The following LARGE1 variants were observed in gnomAD, a reference collection of about 807,000 sequenced individuals.
The protein encoded by LARGE1 is LARGE xylosyl- and glucuronyltransferase 1.
In LARGE1, 43 loss-of-function variants were observed where a neutral mutation model predicts 87.6. The ratio of observed to expected loss-of-function variants is 0.49; its 90% CI spans 0.38 to 0.63. The LOEUF (loss-of-function observed/expected upper bound fraction) is 0.63, where lower values mean the gene tolerates loss of function less well. LARGE1 is among the 30% of genes least tolerant of loss of function. The pLI, the probability that LARGE1 is intolerant of heterozygous loss-of-function variation, is 0.00. For synonymous variants in LARGE1, 434 were observed against 394.6 expected (o/e 1.10, Z -1.18); for missense variants, 802 against 1,000.2 (o/e 0.80, Z 2.67).
intron 1 of LARGE1, among the ~76,000 whole-genome samples, chr22:33,844,343 T>C (rs2063368228): frequency 6.6e-6 from 1 of 152,180 alleles, no homozygotes; most frequent in African/African-American, 2.4e-5. Context: ...AATGTATTCC[T>C]CCTGCTATAA....
chr22:33,244,120 C>G (rs1022805633), intron 11 of LARGE1, among the ~76,000 whole-genome samples: 2 of 151,956 alleles, frequency 1.3e-5, no homozygotes, highest in Non-Finnish European at 2.9e-5. Context: ...TCCCAAATAG[C>G]TGGGATTACA....
the LARGE1 span, among the ~76,000 whole-genome samples, chr22:33,131,393 G>T: frequency 1.3e-5 from 2 of 151,772 alleles, no homozygotes; most frequent in African/African-American, 2.4e-5. Context: ...CCTATTCCCA[G>T]ATGTTCTCTC....
the LARGE1 span, among the ~76,000 whole-genome samples, chr22:33,123,116 G>A: frequency 6.6e-6 from 1 of 152,152 alleles, no homozygotes. Flanking sequence ...GCTAGGAAGG[G>A]GTAATCCAGG....
At chr22:33,735,131 G>A (rs1027056454) in intron 2 of LARGE1, among the ~76,000 whole-genome samples, 3 of 152,210 alleles carry the variant, frequency 2.0e-5, no homozygotes, top group African/African-American at 7.2e-5. Flanking sequence ...CCTTCTTCCA[G>A]GAAGGACAAA....
chr22:33,207,504 T>C (rs1924742849), intron 11 of LARGE1, among the ~76,000 whole-genome samples: 1 of 152,150 alleles, frequency 6.6e-6, no homozygotes, highest in Non-Finnish European at 1.5e-5. Context: ...CTTATTGCTA[T>C]GGTACTCCTC....
chr22:33,732,918 C>T (rs183575812), intron 2 of LARGE1: 1 of 152,336 alleles, frequency 6.6e-6, no homozygotes, highest in Admixed American at 6.5e-5. Flanking sequence ...ACCACCCACC[C>T]CCTCACCTGT....
At chr22:33,393,731 G>C (rs1022489476) in intron 7 of LARGE1, among the ~76,000 whole-genome samples, 2 of 152,210 alleles carry the variant, frequency 1.3e-5, no homozygotes, top group African/African-American at 4.8e-5. Flanking sequence ...CCTTGCCCCT[G>C]AGTGCTCTGC....
chr22:33,162,904 C>T (rs1168077717), exon 12 of LARGE1: 1 of 152,170 alleles, frequency 6.6e-6, no homozygotes, highest in African/African-American at 2.4e-5. Context: ...TTACAAAGTT[C>T]TTTCATTAGT....
chr22:33,662,957 C>T (rs896417655), intron 2 of LARGE1, among the ~76,000 whole-genome samples: 1 of 152,148 alleles, frequency 6.6e-6, no homozygotes, highest in Admixed American at 6.6e-5. Context: ...ACAGTAGTGT[C>T]CAACCACCCT....
intron 8 of LARGE1, 80 bp downstream of exon 8, chr22:33,384,112 T>A: frequency 1.0e-6 from 1 of 990,206 alleles, no homozygotes; most frequent in South Asian, 1.3e-5. Flanking sequence ...ACCATTCAGA[T>A]CGATTTAATT....
chr22:33,572,227 A>C, intron 5 of LARGE1: 1 of 1,281,112 alleles, frequency 7.8e-7, no homozygotes, highest in Non-Finnish European at 1.0e-6. Context: ...CAGCTGCAGA[A>C]TGTTTGAAAA....
chr22:33,917,164 T>C (rs1235664067), intron 1 of LARGE1, among the ~76,000 whole-genome samples: 1 of 152,208 alleles, frequency 6.6e-6, no homozygotes, highest in African/African-American at 2.4e-5. Context: ...TAGAATCCAG[T>C]GTGACCAACA....
intron 11 of LARGE1, among the ~76,000 whole-genome samples, chr22:33,178,193 C>T (rs1922981076): frequency 1.3e-5 from 2 of 152,116 alleles, no homozygotes; most frequent in Non-Finnish European, 2.9e-5. Flanking sequence ...TCACCAGGGC[C>T]AAATGAGTTT....
chr22:33,690,752 C>A (rs866811615), intron 2 of LARGE1, among the ~76,000 whole-genome samples: 1 of 151,866 alleles, frequency 6.6e-6, no homozygotes. Context: ...GGCTTGGGGG[C>A]TGTCTCCATC....
chr22:33,550,172 CACACATATAT>C (rs1344527305), intron 6 of LARGE1, among the ~76,000 whole-genome samples: 2 of 146,064 alleles, frequency 1.4e-5, no homozygotes, highest in African/African-American at 5.0e-5. Flanking sequence ...CACACACACA[CACACATATAT>C]ATATATGTAT....
At chr22:33,699,710 A>T (rs1030451143) in intron 2 of LARGE1, among the ~76,000 whole-genome samples, 1 of 152,210 alleles carries the variant, frequency 6.6e-6, no homozygotes, top group Admixed American at 6.5e-5. Context: ...AGTCTAAAAT[A>T]GTTCTTTCAA....
chr22:33,696,700 G>T (rs2082264372), intron 2 of LARGE1, among the ~76,000 whole-genome samples: 1 of 152,174 alleles, frequency 6.6e-6, no homozygotes. Flanking sequence ...AGCCATGCTG[G>T]TGGGTTTGAA....
chr22:33,869,593 G>A (rs1380462338), intron 1 of LARGE1, among the ~76,000 whole-genome samples: 1 of 152,102 alleles, frequency 6.6e-6, no homozygotes, highest in Non-Finnish European at 1.5e-5. Flanking sequence ...GAAAACACCA[G>A]GCACAAAAGG....
At chr22:33,843,448 T>A (rs1391774896) in intron 1 of LARGE1, among the ~76,000 whole-genome samples, 1 of 150,128 alleles carries the variant, frequency 6.7e-6, no homozygotes, top group Admixed American at 6.6e-5. Flanking sequence ...AAAAAATAAA[T>A]AAATAAATAA....
Sources: allele counts gnomAD v4.1 joint callset (sites outside exome capture counted in the v4.1 genomes callset), GRCh38; gene constraint gnomAD v4.1.1; transcripts MANE v1.5; gene names NCBI Gene and HGNC (gene_info 2026-07-23, HGNC 2026-07-21).